Variants in SHQ1 observed in about 807,000 individuals in gnomAD.
The protein encoded by SHQ1 is protein SHQ1 homolog.
SHQ1 carries 49 observed loss-of-function variants against 53.8 expected under a neutral mutation model. That is an observed-to-expected ratio of 0.91 (90% confidence interval 0.72 to 1.16). SHQ1 has a LOEUF of 1.16. Among genes scored for constraint, SHQ1 ranks in the 50% most tolerant of loss-of-function variants. The pLI, the probability that SHQ1 is intolerant of heterozygous loss-of-function variation, is 0.00. For missense variants in SHQ1, 738 were observed against 683.1 expected, an observed-to-expected ratio of 1.08 and a Z score of -0.90; for synonymous variants, 243 against 251.0, an observed-to-expected ratio of 0.97 and a Z score of 0.30.
At chr3:72,734,660 C>T in the SHQ1 span, among the ~76,000 whole-genome samples, 1 of 151,566 alleles carries the variant, frequency 6.6e-6, no homozygotes. Flanking sequence ...CAATTCACCC[C>T]TAATAAATGA....
At chr3:72,822,611 C>T (rs1389093886) in intron 6 of SHQ1, among the ~76,000 whole-genome samples, 1 of 152,180 alleles carries the variant, frequency 6.6e-6, no homozygotes, top group Admixed American at 6.5e-5. Context: ...CACACCACCT[C>T]ATTAAAATAC....
chr3:72,775,169 C>T (rs955526335), intron 10 of SHQ1, among the ~76,000 whole-genome samples: 8 of 151,608 alleles, frequency 5.3e-5, no homozygotes, highest in African/African-American at 1.9e-4. Context: ...ATCAAATATA[C>T]CCTCTTACAA....
At chr3:72,764,766 C>A (rs905570741) in intron 10 of SHQ1, among the ~76,000 whole-genome samples, 4 of 152,200 alleles carry the variant, frequency 2.6e-5, no homozygotes, top group African/African-American at 7.2e-5. Flanking sequence ...AATACATATG[C>A]ACCATGATGT....
intron 10 of SHQ1, among the ~76,000 whole-genome samples, chr3:72,778,025 G>A (rs1705992973): frequency 6.6e-6 from 1 of 152,136 alleles, no homozygotes; most frequent in South Asian, 2.1e-4. Context: ...TGAGATATAT[G>A]CACAAATGGT....
At chr3:72,735,599 C>G in the SHQ1 span, among the ~76,000 whole-genome samples, 1 of 142,206 alleles carries the variant, frequency 7.0e-6, no homozygotes, top group Non-Finnish European at 1.5e-5. Flanking sequence ...TTGTGGGTAC[C>G]AAGGGGAGAA....
intron 10 of SHQ1, among the ~76,000 whole-genome samples, chr3:72,762,799 C>T (rs1289837467): frequency 2.6e-5 from 4 of 151,990 alleles, no homozygotes; most frequent in Admixed American, 6.6e-5. Flanking sequence ...CTCAGCCTCC[C>T]GAATAATGGG....
chr3:72,847,977 T>G (rs746491546), intron 1 of SHQ1, among the ~76,000 whole-genome samples: 1 of 152,052 alleles, frequency 6.6e-6, no homozygotes, highest in African/African-American at 2.4e-5. Flanking sequence ...TCCGCAATCC[T>G]TTGATATGGG....
rs548900615 is a variant in SHQ1 at position 72,766,736 on chromosome 3, G to A, written c.1182-15900C>T. ...TGGTGCAGGTCTGCCGGTGAAGGGAGGGGGGAACTGAAAGCACAGGCCTCT... is the reference window on the plus strand; with the variant it reads ...TGGTGCAGGTCTGCCGGTGAAGGGAAGGGGGAACTGAAAGCACAGGCCTCT... On this transcript the variant is annotated intron_variant, in intron 10 of 10. Coordinates refer to ENST00000325599, the MANE Select transcript of SHQ1 (RefSeq NM_018130.3). Among the ~76,000 whole-genome samples, 51 of 152,262 alleles carry A rather than the reference G, an allele frequency of 3.3e-4. 1 individual carries two copies. The highest frequency in any genetic ancestry group is 1.1e-3 in the African/African-American group (45 of 41,558).
chr3:72,786,141 T>C (rs1575691359), intron 10 of SHQ1, among the ~76,000 whole-genome samples: 1 of 152,198 alleles, frequency 6.6e-6, no homozygotes, highest in East Asian at 1.9e-4. Context: ...CTCACCTGCC[T>C]CTCAAATCTG....
intron 9 of SHQ1, among the ~76,000 whole-genome samples, chr3:72,795,778 C>T (rs1706593224): frequency 2.0e-5 from 3 of 152,168 alleles, no homozygotes; most frequent in Admixed American, 2.0e-4. Context: ...CTCAAGATCC[C>T]ACACTTTACT....
intron 3 of SHQ1, among the ~76,000 whole-genome samples, chr3:72,841,792 C>G (rs1323111542): frequency 3.3e-5 from 5 of 152,188 alleles, no homozygotes; most frequent in Admixed American, 2.6e-4. Context: ...ATAGGGAGCA[C>G]ACAACCTAGA....
intron 10 of SHQ1, among the ~76,000 whole-genome samples, chr3:72,776,738 T>G (rs1427047645): frequency 1.2e-4 from 19 of 152,186 alleles, no homozygotes; most frequent in African/African-American, 4.6e-4. Context: ...TTTTAGTCTC[T>G]CCAAACTGAT....
intron 10 of SHQ1, among the ~76,000 whole-genome samples, chr3:72,779,899 C>T (rs1177565819): frequency 6.6e-6 from 1 of 152,124 alleles, no homozygotes; most frequent in Non-Finnish European, 1.5e-5. Flanking sequence ...CAAAGCAAAA[C>T]TGTTTTCACA....
intron 10 of SHQ1, among the ~76,000 whole-genome samples, chr3:72,785,396 G>A (rs984452835): frequency 1.1e-4 from 16 of 152,194 alleles, no homozygotes; most frequent in African/African-American, 3.9e-4. Flanking sequence ...AGCTACTCCA[G>A]AGGCAGAGGC....
chr3:72,728,550 A>G, the SHQ1 span, among the ~76,000 whole-genome samples: 1 of 152,164 alleles, frequency 6.6e-6, no homozygotes, highest in African/African-American at 2.4e-5. Context: ...CAGACTCTGA[A>G]CCCTCCTGAA....
chr3:72,831,461 A>C (rs527906608), intron 5 of SHQ1, among the ~76,000 whole-genome samples: 20 of 152,126 alleles, frequency 1.3e-4, no homozygotes, highest in African/African-American at 4.8e-4. Context: ...AGTCCCTTAA[A>C]CTCCTCTCCT....
At chr3:72,803,907 A>T (rs901030711) in intron 9 of SHQ1, among the ~76,000 whole-genome samples, 3 of 152,110 alleles carry the variant, frequency 2.0e-5, no homozygotes, top group African/African-American at 7.2e-5. Flanking sequence ...ATGGCCATTA[A>T]GGTAATTTCT....
intron 4 of SHQ1, among the ~76,000 whole-genome samples, chr3:72,834,884 T>G (rs1038826120): frequency 2.0e-5 from 3 of 152,140 alleles, no homozygotes; most frequent in African/African-American, 7.2e-5. Context: ...TTGCTTCCTG[T>G]GCTATAACAA....
chr3:72,748,025 A>C (rs549317855), downstream of SHQ1, among the ~76,000 whole-genome samples: 2 of 151,696 alleles, frequency 1.3e-5, no homozygotes, highest in African/African-American at 4.8e-5. Flanking sequence ...TAGAGAGAAG[A>C]GTCCTCAGTA....
Sources: gnomAD v4.1 joint callset for allele counts (sites outside exome capture counted in the v4.1 genomes callset) on GRCh38, gnomAD v4.1.1 for gene constraint, MANE v1.5 for transcripts, NCBI Gene and HGNC (gene_info 2026-07-23, HGNC 2026-07-21) for gene names.